Variants in SUCLG2 observed in about 807,000 individuals in gnomAD.
SUCLG2 encodes the protein succinate-CoA ligase GDP-forming subunit beta, also known as succinate--CoA ligase [GDP-forming] subunit beta, mitochondrial.
In SUCLG2, 42 loss-of-function variants were observed where a neutral mutation model predicts 47.9. The ratio of observed to expected loss-of-function variants is 0.88; its 90% CI spans 0.69 to 1.14. SUCLG2 has a LOEUF of 1.14. Ranked by LOEUF, SUCLG2 falls within the 50% of genes most tolerant of loss-of-function variation. The pLI is 0.00. For synonymous variants in SUCLG2, 195 were observed against 197.3 expected, an observed-to-expected ratio of 0.99 and a Z score of 0.10; for missense variants, 571 against 525.9, an observed-to-expected ratio of 1.09 and a Z score of -0.84.
chr3:67,546,890 G>A (rs1706878916), intron 2 of SUCLG2, among the ~76,000 whole-genome samples: 1 of 152,174 alleles, frequency 6.6e-6, no homozygotes, highest in South Asian at 2.1e-4. Flanking sequence ...TACAGAGTGA[G>A]ACTCCATCCC....
chr3:67,478,506 A>C (rs1704826300), intron 9 of SUCLG2, among the ~76,000 whole-genome samples: 1 of 152,228 alleles, frequency 6.6e-6, no homozygotes, highest in East Asian at 1.9e-4. Flanking sequence ...AAAAATCCTA[A>C]AAATGGAAAA....
chr3:67,371,770 C>A (rs1332010290), downstream of SUCLG2, among the ~76,000 whole-genome samples: 1 of 152,094 alleles, frequency 6.6e-6, no homozygotes, highest in Non-Finnish European at 1.5e-5. Context: ...ATTTGGGTCC[C>A]CATAGATACA....
rs183758854 is a variant in SUCLG2 at position 67,386,913 on chromosome 3, C to A, written c.1184-11054G>T. 1.4e-3 allele frequency among the ~76,000 whole-genome samples: 217 copies of A among 152,204 alleles called. 2 individuals carry two copies. The highest frequency in any genetic ancestry group is 6.3e-4 in the Non-Finnish European group (43 of 68,004). On this transcript the variant is annotated intron_variant, in intron 10 of 10. Transcript: ENST00000307227. The stretch of plus-strand genomic sequence containing the variant: ...GATATTTTGACTCTGCTGGTGTACC[C>A]CCATCCTTTGACATGAAGACTCCCA...
intron 10 of SUCLG2, among the ~76,000 whole-genome samples, chr3:67,395,776 G>A (rs1702510485): frequency 1.3e-5 from 2 of 152,138 alleles, no homozygotes; most frequent in South Asian, 4.2e-4. Context: ...TGGAAGTAAA[G>A]CTCTCCTCAG....
intron 10 of SUCLG2, among the ~76,000 whole-genome samples, chr3:67,386,565 G>A (rs766421666): frequency 9.9e-5 from 15 of 152,172 alleles, no homozygotes; most frequent in Non-Finnish European, 2.1e-4. Context: ...CAATCGTGGT[G>A]GAAGAGCAAG....
chr3:67,554,415 G>A (rs186408579), intron 2 of SUCLG2, among the ~76,000 whole-genome samples: 238 of 152,234 alleles, frequency 1.6e-3, no homozygotes, highest in Non-Finnish European at 2.7e-3. Context: ...ACACTCAGCT[G>A]TAATTCTTAC....
intron 9 of SUCLG2, among the ~76,000 whole-genome samples, chr3:67,407,134 A>G (rs547738196): frequency 7.2e-5 from 11 of 152,346 alleles, no homozygotes; most frequent in African/African-American, 2.6e-4. Flanking sequence ...CAAACAATAT[A>G]TAAGTAAATA....
In SUCLG2 at chr3:67,650,217, C is replaced by A. The variant is rs547353067; in HGVS notation, c.84+4286G>T. Among the ~76,000 whole-genome samples, 3 of 152,308 alleles carry A rather than the reference C, an allele frequency of 2.0e-5. No homozygotes were observed. In the South Asian group the frequency reaches 6.2e-4, roughly 32 times the overall value. On this transcript the variant is annotated intron_variant, in intron 1 of 10. Transcript: ENST00000307227. ...AGGTAAGTCACAACTTCCAATGCAG[C>A]CGCCACAGCCTCATTTAGCTGATAA...
chr3:67,543,077 T>C (rs148732406), intron 2 of SUCLG2, among the ~76,000 whole-genome samples: 2 of 152,266 alleles, frequency 1.3e-5, no homozygotes, highest in East Asian at 3.9e-4. Flanking sequence ...AAGTAAAACA[T>C]TCCTCAGCAA....
At chr3:67,463,211 T>G (rs1170095713) in intron 9 of SUCLG2, among the ~76,000 whole-genome samples, 4 of 152,188 alleles carry the variant, frequency 2.6e-5, no homozygotes, top group Admixed American at 6.5e-5. Flanking sequence ...CATTGAAAAT[T>G]TTCTGGATTT....
chr3:67,398,241 A>G (rs1338235539), intron 10 of SUCLG2, among the ~76,000 whole-genome samples: 2 of 150,684 alleles, frequency 1.3e-5, no homozygotes, highest in Admixed American at 6.6e-5. Flanking sequence ...GCAATCTACA[A>G]AATGGGAGAA....
intron 9 of SUCLG2, among the ~76,000 whole-genome samples, chr3:67,425,831 T>C (rs1403432755): frequency 6.6e-6 from 1 of 152,236 alleles, no homozygotes; most frequent in Non-Finnish European, 1.5e-5. Flanking sequence ...AAATTTTCAC[T>C]GGACACCATG....
exon 11 of SUCLG2, chr3:67,360,575 A>T: frequency 7.0e-7 from 1 of 1,436,120 alleles, no homozygotes; most frequent in Non-Finnish European, 9.2e-7. Context: ...TTTTGTGATG[A>T]TATTCATTAA....
At chr3:67,479,742 G>A (rs1335987497) in intron 9 of SUCLG2, among the ~76,000 whole-genome samples, 6 of 152,174 alleles carry the variant, frequency 3.9e-5, no homozygotes, top group South Asian at 2.1e-4. Context: ...GATCTACCTC[G>A]ATGACTGAGC....
chr3:67,649,982 C>G (rs1701257539), intron 1 of SUCLG2, among the ~76,000 whole-genome samples: 1 of 152,152 alleles, frequency 6.6e-6, no homozygotes. Flanking sequence ...CAATCACTCA[C>G]CCATAAAAGA....
At chr3:67,562,650 G>A (rs1237475052) in intron 2 of SUCLG2, among the ~76,000 whole-genome samples, 3 of 152,174 alleles carry the variant, frequency 2.0e-5, no homozygotes. Flanking sequence ...ATGGTTAATG[G>A]TCAAGTGTAT....
chr3:67,415,016 T>G (rs1703008198), intron 9 of SUCLG2, among the ~76,000 whole-genome samples: 1 of 152,156 alleles, frequency 6.6e-6, no homozygotes, highest in South Asian at 2.1e-4. Flanking sequence ...CATGCCCAGC[T>G]AATTTTTAAA....
intron 2 of SUCLG2, among the ~76,000 whole-genome samples, chr3:67,595,685 T>C (rs1235005712): frequency 6.6e-6 from 1 of 152,168 alleles, no homozygotes; most frequent in East Asian, 1.9e-4. Flanking sequence ...GATTATTTTA[T>C]AAACTATGGA....
intron 2 of SUCLG2, among the ~76,000 whole-genome samples, chr3:67,537,597 G>A (rs553969662): frequency 2.8e-4 from 43 of 152,292 alleles, no homozygotes; most frequent in African/African-American, 1.0e-3. Flanking sequence ...TAATGGGATT[G>A]CTTGGTCAAA....
Sources: allele counts gnomAD v4.1 joint callset (sites outside exome capture counted in the v4.1 genomes callset), GRCh38; gene constraint gnomAD v4.1.1; transcripts MANE v1.5; gene names NCBI Gene and HGNC (gene_info 2026-07-23, HGNC 2026-07-21).